The following SPECC1 variants were observed in gnomAD, a reference collection of about 807,000 sequenced individuals.
SPECC1 encodes the protein sperm antigen with calponin homology and coiled-coil domains 1.
SPECC1 carries 62 observed loss-of-function variants against 104.1 expected under a neutral mutation model. That is an observed-to-expected ratio of 0.60 (90% CI 0.49 to 0.74). The LOEUF is 0.74. Ranked by LOEUF, SPECC1 falls within the 30% of genes least tolerant of loss-of-function variation. SPECC1 has a pLI of 0.00. For missense variants in SPECC1, 1,306 were observed against 1,310.5 expected (o/e 1.00, Z 0.05); for synonymous variants, 513 against 501.6 (o/e 1.02, Z -0.30).
chr17:20,286,887 C>G (rs2040965753), intron 12 of SPECC1, among the ~76,000 whole-genome samples: 1 of 152,212 alleles, frequency 6.6e-6, no homozygotes, highest in African/African-American at 2.4e-5. Context: ...TGCTGCCTGC[C>G]TCTTCCCTCC....
At chr17:20,198,532 C>T (rs547851535) in intron 3 of SPECC1, among the ~76,000 whole-genome samples, 1 of 152,358 alleles carries the variant, frequency 6.6e-6, no homozygotes, top group South Asian at 2.1e-4. Flanking sequence ...CTGACTCTGT[C>T]ACCCACAGCC....
intron 1 of SPECC1, among the ~76,000 whole-genome samples, chr17:20,037,025 T>C (rs780123974): frequency 1.3e-5 from 2 of 152,216 alleles, no homozygotes; most frequent in Non-Finnish European, 2.9e-5. Context: ...TGAATGGATA[T>C]TGGATTTTGG....
At chr17:20,016,622 C>G (rs1477380661) in intron 1 of SPECC1, among the ~76,000 whole-genome samples, 1 of 152,244 alleles carries the variant, frequency 6.6e-6, no homozygotes, top group Non-Finnish European at 1.5e-5. Flanking sequence ...GGGCCAGCAG[C>G]TGCTGTGCCC....
intron 3 of SPECC1, among the ~76,000 whole-genome samples, chr17:20,174,516 C>T (rs1398457360): frequency 1.3e-5 from 2 of 152,026 alleles, no homozygotes; most frequent in African/African-American, 4.8e-5. Flanking sequence ...ATGGATGCAG[C>T]TGCGATAGCT....
At chr17:20,078,688 TTAAG>T (rs1343241933) in intron 1 of SPECC1, among the ~76,000 whole-genome samples, 2 of 152,190 alleles carry the variant, frequency 1.3e-5, no homozygotes, top group Admixed American at 1.3e-4. Context: ...GTACATGTTT[TTAAG>T]TAAGCATAAA....
chr17:20,031,931 G>A (rs1271989850), intron 1 of SPECC1, among the ~76,000 whole-genome samples: 5 of 151,998 alleles, frequency 3.3e-5, no homozygotes, highest in Non-Finnish European at 5.9e-5. Flanking sequence ...CTACCTTTTG[G>A]CTATTGTGAA....
chr17:20,030,733 C>T (rs1020259041), intron 1 of SPECC1, among the ~76,000 whole-genome samples: 2 of 152,146 alleles, frequency 1.3e-5, no homozygotes, highest in African/African-American at 4.8e-5. Context: ...CACTTGTTTT[C>T]AGCCTGAAGA....
chr17:20,308,836 A>G (rs1488470780), intron 14 of SPECC1, among the ~76,000 whole-genome samples: 2 of 152,264 alleles, frequency 1.3e-5, no homozygotes, highest in Non-Finnish European at 2.9e-5. Context: ...GAGTACCAAC[A>G]GAGAGATCAG....
chr17:20,101,599 A>T (rs2047947537), intron 2 of SPECC1, among the ~76,000 whole-genome samples: 1 of 152,190 alleles, frequency 6.6e-6, no homozygotes, highest in Admixed American at 6.5e-5. Context: ...TCCTTGTGGT[A>T]TCTGAGCACA....
At chr17:20,023,875 C>T (rs2152435763) in intron 1 of SPECC1, among the ~76,000 whole-genome samples, 1 of 149,912 alleles carries the variant, frequency 6.7e-6, no homozygotes, top group African/African-American at 2.4e-5. Flanking sequence ...TGATAGAGAG[C>T]AGTATATGGA....
Position 20,227,413 on chromosome 17 carries a change from G to T in SPECC1, c.1864G>T (p.Val622Leu). 6.2e-7 allele frequency: 1 copy of T among 1,610,902 alleles called. No homozygotes were observed. The highest frequency in any genetic ancestry group is 2.2e-5 in the East Asian group (1 of 44,732). ...IKHVSSLLAKVEKDYSYLKEI... is the reference protein window; with the variant it reads ...IKHVSSLLAKLEKDYSYLKEI... ...CCAAGGAACCTTCCTTTTATTTTAG[G>T]TGGAAAAGGATTATTCATACCTGAA... Residue 622 changes from valine (V) to leucine (L), a missense_variant and splice_region_variant, in exon 5 of 15, where the codon GTG becomes TTG. Coordinates refer to ENST00000395527, the MANE Select transcript of SPECC1 (RefSeq NM_001243439.2).
intron 2 of SPECC1, among the ~76,000 whole-genome samples, chr17:20,102,252 A>G (rs1038107992): frequency 2.0e-5 from 3 of 152,220 alleles, no homozygotes; most frequent in African/African-American, 7.2e-5. Flanking sequence ...AGCTACCTTC[A>G]GCTGTTTGTT....
intron 12 of SPECC1, among the ~76,000 whole-genome samples, chr17:20,273,316 TCTA>T (rs760366625): frequency 6.8e-4 from 103 of 152,226 alleles, no homozygotes; most frequent in Non-Finnish European, 1.2e-3. Context: ...AAACCTCATC[TCTA>T]CTAAAAACAT....
intron 13 of SPECC1, 60 bp from the exon 14 acceptor site, chr17:20,305,963 C>G (rs2041749327): frequency 1.4e-6 from 2 of 1,472,344 alleles, no homozygotes; most frequent in Non-Finnish European, 1.9e-6. Flanking sequence ...GATATTCTTT[C>G]CTGGCAAAAG....
At position 20,205,166 on chromosome 17, in the gene SPECC1, C is replaced by G; in HGVS notation, c.1117C>G (p.Leu373Val). 1 of 1,614,102 alleles carries G rather than the reference C, an allele frequency of 6.2e-7. No homozygotes were observed. The highest frequency in any genetic ancestry group is 8.5e-7 in the Non-Finnish European group (1 of 1,180,016). ...CGTAAGTGAATTGTCCCTGGCTTCC[C>G]TCACAGAGAAGATACAAAAGATGGA... ...NSVSELSLASLTEKIQKMEEN... is the reference protein window; with the variant it reads ...NSVSELSLASVTEKIQKMEEN... The change falls in exon 4 of 15, where the codon CTC becomes GTC. Residue 373 changes from leucine (L) to valine (V), a missense_variant. This residue lies in a region of SPECC1 where 1,177 missense variants were observed against 1,139.9 expected (regional missense o/e 1.03). Transcript: ENST00000395527.
chr17:20,125,244 T>C (rs945338140), intron 3 of SPECC1, among the ~76,000 whole-genome samples: 1 of 152,190 alleles, frequency 6.6e-6, no homozygotes, highest in Non-Finnish European at 1.5e-5. Context: ...CAACCTAATT[T>C]ACTGGAAGTG....
At position 20,098,795 on chromosome 17, in the gene SPECC1, C is replaced by T. The variant is rs115031224; in HGVS notation, c.147+1997C>T. On this transcript the variant is annotated intron_variant, in intron 2 of 14. Coordinates refer to ENST00000395527, the MANE Select transcript of SPECC1 (RefSeq NM_001243439.2). ...CTTCTCTGCTCTTGATGCCATTGCA[C>T]ACACCTGCTTGTTTACGGTCTGTCT... Among the ~76,000 whole-genome samples the T allele has an allele frequency of 2.3e-3, 356 of 152,372 alleles. 1 individual carries two copies. Among genetic ancestry groups the T allele is most frequent in the African/African-American group, 8.3e-3 (344 of 41,580 alleles).
At chr17:20,286,310 A>G (rs1185623611) in intron 12 of SPECC1, among the ~76,000 whole-genome samples, 3 of 152,218 alleles carry the variant, frequency 2.0e-5, no homozygotes, top group Admixed American at 6.5e-5. Context: ...AACAGCCTAC[A>G]GAATGCCTGC....
intron 3 of SPECC1, among the ~76,000 whole-genome samples, chr17:20,147,646 A>T (rs1276147045): frequency 6.6e-6 from 1 of 152,256 alleles, no homozygotes; most frequent in African/African-American, 2.4e-5. Context: ...GTTGAGAGGC[A>T]TATGGAGGGC....
Sources: allele counts gnomAD v4.1 joint callset (sites outside exome capture counted in the v4.1 genomes callset), GRCh38; gene constraint gnomAD v4.1.1; regional missense constraint gnomAD v4.1.1; transcripts MANE v1.5; gene names NCBI Gene and HGNC (gene_info 2026-07-23, HGNC 2026-07-21).